The following DGKB variants were observed in gnomAD, a reference collection of about 807,000 sequenced individuals.
DGKB encodes diacylglycerol kinase beta.
DGKB carries 67 observed loss-of-function variants against 114.3 expected under a neutral mutation model. The ratio of observed to expected loss-of-function variants is 0.59; its 90% CI spans 0.48 to 0.72. The LOEUF (loss-of-function observed/expected upper bound fraction) is 0.72, where lower values mean the gene tolerates loss of function less well. DGKB is among the 30% of genes least tolerant of loss of function. The pLI is 0.00. For missense variants in DGKB, 907 were observed against 975.2 expected (o/e 0.93, Z 0.93); for synonymous variants, 398 against 323.1 (o/e 1.23, Z -2.49).
At chr7:14,398,097 A>G (rs1204433356) in intron 21 of DGKB, among the ~76,000 whole-genome samples, 1 of 152,138 alleles carries the variant, frequency 6.6e-6, no homozygotes, top group African/African-American at 2.4e-5. Flanking sequence ...TGCAAGATAG[A>G]TAAATGCTCA....
At chr7:14,727,969 G>T (rs1830268687) in intron 5 of DGKB, among the ~76,000 whole-genome samples, 1 of 152,124 alleles carries the variant, frequency 6.6e-6, no homozygotes, top group South Asian at 2.1e-4. Context: ...CATTCTCATT[G>T]TACAATTTTC....
At position 14,681,401 on chromosome 7, in the gene DGKB, T is replaced by C. The variant is rs1525077; in HGVS notation, c.1035+1152A>G. Among the ~76,000 whole-genome samples the C allele has an allele frequency of 4.3e-3, 657 of 151,980 alleles. 15 individuals carry two copies. Among genetic ancestry groups the C allele is most frequent in the Admixed American group, 0.027 (404 of 15,206 alleles). ...TTGAAAAGTAAGTCAGTTGTTTTTCTCATCATTCTGTATGAGTGTGCATGT... is the reference window on the plus strand; with the variant it reads ...TTGAAAAGTAAGTCAGTTGTTTTTCCCATCATTCTGTATGAGTGTGCATGT... On this transcript the variant is annotated intron_variant, in intron 12 of 25. Transcript: ENST00000402815.
chr7:14,404,215 C>T (rs1036447181), intron 21 of DGKB, among the ~76,000 whole-genome samples: 1 of 150,964 alleles, frequency 6.6e-6, no homozygotes, highest in African/African-American at 2.4e-5. Flanking sequence ...CTGTTGGATG[C>T]TGATATTTTG....
At chr7:14,322,993 C>T (rs1016744367) in intron 23 of DGKB, among the ~76,000 whole-genome samples, 4 of 152,206 alleles carry the variant, frequency 2.6e-5, no homozygotes, top group South Asian at 2.1e-4. Context: ...CTTTTAGTAG[C>T]GTCTACTATA....
intron 23 of DGKB, among the ~76,000 whole-genome samples, chr7:14,189,451 G>A (rs2079458): frequency 0.29 from 43,688 of 151,816 alleles, 8,234 homozygotes; most frequent in African/African-American, 0.55. Flanking sequence ...TAGCACCACA[G>A]AAAACCACCA....
chr7:14,562,053 A>G (rs1584821780), intron 20 of DGKB, among the ~76,000 whole-genome samples: 1 of 152,152 alleles, frequency 6.6e-6, no homozygotes, highest in Admixed American at 6.5e-5. Flanking sequence ...TTGGTACCCC[A>G]TGTCTCAGCT....
At chr7:14,664,665 T>C (rs1817711760) in intron 13 of DGKB, among the ~76,000 whole-genome samples, 1 of 152,072 alleles carries the variant, frequency 6.6e-6, no homozygotes, top group Admixed American at 6.6e-5. Context: ...CTATTTATGC[T>C]CAGACATCAT....
At chr7:14,597,050 C>A (rs572023754) in intron 17 of DGKB, among the ~76,000 whole-genome samples, 1 of 152,274 alleles carries the variant, frequency 6.6e-6, no homozygotes, top group South Asian at 2.1e-4. Context: ...ACACATCTTA[C>A]TATAGCATAA....
In DGKB at chr7:14,230,459, T is replaced by G. The variant is rs185667195; in HGVS notation, c.2123-52308A>C. 6.6e-5 allele frequency among the ~76,000 whole-genome samples: 10 copies of G among 152,054 alleles called. 1 individual carries two copies. The East Asian group carries it at 1.9e-3, about 30-fold the overall frequency. On this transcript the variant is annotated intron_variant, in intron 23 of 25. Coordinates refer to ENST00000402815, the MANE Select transcript of DGKB (RefSeq NM_001350709.2). ...AGCTGTTATGGTAAAATTTCATTAA[T>G]TAAAGAGTTATTATGTGAGGTAAAC...
intron 1 of DGKB, among the ~76,000 whole-genome samples, chr7:14,884,724 A>T (rs1469543460): frequency 6.6e-6 from 1 of 151,998 alleles, no homozygotes; most frequent in Admixed American, 6.6e-5. Flanking sequence ...ATCCTGATTC[A>T]TGTTTTAGAA....
At chr7:14,549,652 T>G (rs913182745) in intron 20 of DGKB, among the ~76,000 whole-genome samples, 1 of 152,038 alleles carries the variant, frequency 6.6e-6, no homozygotes, top group African/African-American at 2.4e-5. Flanking sequence ...GTCTGAACAT[T>G]TAAAAACACA....
chr7:14,533,737 A>G (rs1791973144), intron 20 of DGKB, among the ~76,000 whole-genome samples: 2 of 152,136 alleles, frequency 1.3e-5, no homozygotes, highest in East Asian at 1.9e-4. Context: ...CTCAGCAGAA[A>G]TGTTTCAGTC....
chr7:14,294,311 T>G (rs1802202197), intron 23 of DGKB, among the ~76,000 whole-genome samples: 1 of 152,162 alleles, frequency 6.6e-6, no homozygotes, highest in Non-Finnish European at 1.5e-5. Flanking sequence ...TAACATAATG[T>G]ATTCATAGAT....
intron 2 of DGKB, among the ~76,000 whole-genome samples, chr7:14,780,634 T>TC (rs1460780725): frequency 1.3e-5 from 2 of 152,068 alleles, no homozygotes; most frequent in East Asian, 3.9e-4. Flanking sequence ...TCCACAGATT[T>TC]TTTTTTCACA....
chr7:14,467,575 GA>G (rs1159111367), intron 21 of DGKB, among the ~76,000 whole-genome samples: 14 of 152,070 alleles, frequency 9.2e-5, no homozygotes, highest in Non-Finnish European at 1.9e-4. Context: ...ATCCCAATAT[GA>G]AAACACTGTT....
intron 2 of DGKB, among the ~76,000 whole-genome samples, chr7:14,793,453 G>A (rs181380027): frequency 8.5e-4 from 129 of 152,116 alleles, no homozygotes; most frequent in African/African-American, 3.1e-3. Context: ...AAGATGCTTT[G>A]CCTTCTGTCT....
chr7:14,315,133 C>T (rs201859376), intron 23 of DGKB, among the ~76,000 whole-genome samples: 13,904 of 142,172 alleles, frequency 0.098, 647 homozygotes, highest in East Asian at 0.14. Flanking sequence ...CTGAAGGAAG[C>T]GCTAAACATG....
At chr7:14,970,276 A>T (rs1346109897) in intron 1 of DGKB, among the ~76,000 whole-genome samples, 2 of 152,158 alleles carry the variant, frequency 1.3e-5, no homozygotes, top group African/African-American at 4.8e-5. Context: ...CATCTGGAGA[A>T]TTCAGCATTG....
At chr7:14,183,360 CAT>C (rs1175646855) in intron 23 of DGKB, among the ~76,000 whole-genome samples, 1 of 152,072 alleles carries the variant, frequency 6.6e-6, no homozygotes, top group Non-Finnish European at 1.5e-5. Context: ...ACCCAGAAGA[CAT>C]AAATTTTAAA....
Sources: gnomAD v4.1 joint callset for allele counts (sites outside exome capture counted in the v4.1 genomes callset) on GRCh38, gnomAD v4.1.1 for gene constraint, MANE v1.5 for transcripts, NCBI Gene and HGNC (gene_info 2026-07-23, HGNC 2026-07-21) for gene names.